The following MSN variants were observed in gnomAD, a reference collection of about 807,000 sequenced individuals.
MSN encodes moesin.
Under a neutral mutation model 48.0 loss-of-function variants are expected in MSN, and 2 were observed. The ratio of observed to expected loss-of-function variants is 0.04; its 90% CI spans 0.02 to 0.13. The LOEUF is 0.13. Ranked by LOEUF, MSN falls within the 10% of genes least tolerant of loss-of-function variation. MSN has a pLI of 1.00. For missense variants in MSN, 267 were observed against 470.1 expected (o/e 0.57, Z 3.99); for synonymous variants, 146 against 166.9 (o/e 0.87, Z 0.97).
intron 1 of MSN, among the ~76,000 whole-genome samples, chrX:65,627,032 T>C (rs1602732586): frequency 9.0e-6 from 1 of 111,576 alleles, no homozygotes; most frequent in East Asian, 2.8e-4. Context: ...ACTTACCATT[T>C]TCAGCTGCCT....
chrX:65,591,975 G>A (rs1209041269), intron 1 of MSN, among the ~76,000 whole-genome samples: 4 of 109,778 alleles, frequency 3.6e-5, no homozygotes, highest in African/African-American at 1.0e-4. Context: ...AATTGTCTGT[G>A]AGTACCTGAC....
In MSN at chrX:65,624,504, C is replaced by T. The variant is rs1198027176; in HGVS notation, c.-22+35892C>T. 5 of 108,378 alleles carry T rather than the reference C, an allele frequency of 4.6e-5. 2 individuals carry two copies. Among genetic ancestry groups the T allele is most frequent in the African/African-American group, 1.7e-4 (5 of 29,666 alleles). The allele number at this position is 108,378 out of a possible 1,213,427, so 8.9% of individuals were successfully genotyped here. On this transcript the variant is annotated intron_variant, in intron 1 of 3. Transcript: ENST00000609672. ...TTCTTTCTACTGTTTTTCTATTCTC[C>T]ATTTTGTTTATCTCCACTCTAATGT...
chrX:65,626,997 G>A (rs1316312825), intron 1 of MSN, among the ~76,000 whole-genome samples: 1 of 111,458 alleles, frequency 9.0e-6, no homozygotes, highest in East Asian at 2.8e-4. Context: ...ATGGGACAAG[G>A]ACAAGTAAAC....
intron 1 of MSN, among the ~76,000 whole-genome samples, chrX:65,675,732 G>A (rs1188344863): frequency 9.0e-6 from 1 of 111,037 alleles, no homozygotes; most frequent in African/African-American, 3.3e-5. Context: ...CCGCCTCCTG[G>A]GTTCAAGCGA....
chrX:65,622,096 C>CTT (rs757740196), intron 1 of MSN, among the ~76,000 whole-genome samples: 1 of 90,652 alleles, frequency 1.1e-5, no homozygotes, highest in Non-Finnish European at 2.2e-5. Flanking sequence ...CTTTTCTTTT[C>CTT]TTTTTTTTTT....
At chrX:65,610,103 A>G (rs956092142) in intron 1 of MSN, among the ~76,000 whole-genome samples, 1 of 111,856 alleles carries the variant, frequency 8.9e-6, no homozygotes, top group East Asian at 2.8e-4. Flanking sequence ...GGCAAAATAC[A>G]TATCACAAAA....
rs928194228 is a variant in MSN at position 65,735,249 on chromosome X, T to C, written c.796-18T>C. 4 of 1,204,299 alleles carry C rather than the reference T, an allele frequency of 3.3e-6. No homozygotes were observed. In the African/African-American group the frequency reaches 5.2e-5, roughly 16 times the overall value. On this transcript the variant is annotated intron_variant, in intron 7 of 12. Transcript: ENST00000360270. ...ACCTGTCCCTCCAAATTCTTTCTGA[T>C]TGCTGATTTCCCACCAGGACTTCGT...
chrX:65,727,538 G>C (rs977573823), intron 2 of MSN, among the ~76,000 whole-genome samples: 1 of 111,932 alleles, frequency 8.9e-6, no homozygotes, highest in East Asian at 2.8e-4. Context: ...TAGCATAGGG[G>C]TATTATGAAA....
intron 1 of MSN, among the ~76,000 whole-genome samples, chrX:65,620,687 G>A (rs1212672160): frequency 8.9e-6 from 1 of 111,780 alleles, no homozygotes; most frequent in African/African-American, 3.2e-5. Context: ...CTTACTCTGG[G>A]AGCTGTAGAC....
chrX:65,678,822 A>G (rs1220299825), intron 1 of MSN, among the ~76,000 whole-genome samples: 1 of 111,902 alleles, frequency 8.9e-6, no homozygotes, highest in African/African-American at 3.2e-5. Flanking sequence ...AGTCACTTTT[A>G]TGAGGCTTAA....
chrX:65,652,128 G>C (rs1363465429), intron 1 of MSN, among the ~76,000 whole-genome samples: 2 of 109,647 alleles, frequency 1.8e-5, no homozygotes, highest in Non-Finnish European at 3.8e-5. Context: ...CCCTAGGCCA[G>C]CAGGCAAGCC....
At chrX:65,617,339 A>G (rs2148357945) in intron 1 of MSN, among the ~76,000 whole-genome samples, 1 of 110,270 alleles carries the variant, frequency 9.1e-6, no homozygotes, top group African/African-American at 3.4e-5. Context: ...CTGGTCCTGG[A>G]CTTTTTTTGG....
At chrX:65,724,281 A>T (rs1293763946) in intron 2 of MSN, among the ~76,000 whole-genome samples, 1 of 110,521 alleles carries the variant, frequency 9.0e-6, no homozygotes, top group Non-Finnish European at 1.9e-5. Context: ...AGTAGCTGGG[A>T]TTACAGGCAT....
At chrX:65,644,467 C>A (rs1172987480) in intron 1 of MSN, among the ~76,000 whole-genome samples, 1 of 111,733 alleles carries the variant, frequency 8.9e-6, no homozygotes, top group African/African-American at 3.3e-5. Flanking sequence ...CCAGCTCCGT[C>A]GTCTCAGAAC....
In MSN at chrX:65,676,315, C is replaced by T. The variant is rs141508838; in HGVS notation, c.12+8462C>T. Among the ~76,000 whole-genome samples, 1,062 of 112,095 alleles carry T rather than the reference C, an allele frequency of 9.5e-3. 8 individuals are homozygous for T. The highest frequency in any genetic ancestry group is 0.032 in the Middle Eastern group (7 of 216). ...TACCAGATCTGATGCTCCTTTCAATCGGCTTGTTGTGGCATAAGGTAAGTG... is the reference window on the plus strand; with the variant it reads ...TACCAGATCTGATGCTCCTTTCAATTGGCTTGTTGTGGCATAAGGTAAGTG... On this transcript the variant is annotated intron_variant, in intron 1 of 12. Coordinates refer to ENST00000360270, the MANE Select transcript of MSN (RefSeq NM_002444.3).
chrX:65,648,894 A>T (rs868304143), intron 1 of MSN, among the ~76,000 whole-genome samples: 16 of 108,825 alleles, frequency 1.5e-4, no homozygotes, highest in Non-Finnish European at 2.5e-4. Flanking sequence ...TAAAATAAAT[A>T]AAATAAATAA....
chrX:65,674,417 A>G (rs1468764462), intron 1 of MSN, among the ~76,000 whole-genome samples: 1 of 111,589 alleles, frequency 9.0e-6, no homozygotes, highest in African/African-American at 3.3e-5. Flanking sequence ...AGACTTCCAG[A>G]GAACTGGCTC....
intron 1 of MSN, among the ~76,000 whole-genome samples, chrX:65,603,702 G>A (rs1460334618): frequency 2.7e-5 from 3 of 112,509 alleles, no homozygotes; most frequent in Admixed American, 9.4e-5. Flanking sequence ...GGAAGAATAA[G>A]AGCCATATCT....
At chrX:65,656,889 G>A (rs1352091228) in intron 1 of MSN, among the ~76,000 whole-genome samples, 1 of 111,740 alleles carries the variant, frequency 8.9e-6, no homozygotes, top group Non-Finnish European at 1.9e-5. Flanking sequence ...AGAGGGCTGG[G>A]AAGGTAAGTG....
Sources: allele counts gnomAD v4.1 joint callset (sites outside exome capture counted in the v4.1 genomes callset), GRCh38; gene constraint gnomAD v4.1.1; transcripts MANE v1.5; gene names NCBI Gene and HGNC (gene_info 2026-07-23, HGNC 2026-07-21).